CDK14: variants seen among roughly 807,000 people sequenced by gnomAD.
CDK14 encodes cyclin-dependent kinase 14.
In CDK14, 34 loss-of-function variants were observed where a neutral mutation model predicts 60.7. The observed-to-expected ratio is 0.56, with a 90% CI of 0.43 to 0.75. The LOEUF (loss-of-function observed/expected upper bound fraction) is 0.75. Among genes scored for constraint, CDK14 ranks in the 30% least tolerant of loss-of-function variants. The pLI is 0.00. For missense variants in CDK14, 482 were observed against 564.1 expected (o/e 0.85, Z 1.47); for synonymous variants, 197 against 203.7 (o/e 0.97, Z 0.28).
intron 13 of CDK14, among the ~76,000 whole-genome samples, chr7:91,115,237 G>C (rs1369852528): frequency 2.6e-5 from 4 of 152,074 alleles, no homozygotes; most frequent in Non-Finnish European, 5.9e-5. Flanking sequence ...CCTTAGACTG[G>C]GTGGCTTAAA....
At chr7:90,824,753 G>C (rs752421600) in intron 5 of CDK14, 1 of 152,140 alleles carries the variant, frequency 6.6e-6, no homozygotes, top group Non-Finnish European at 1.5e-5. Context: ...TTATGAAATT[G>C]TCAAGTGCAA....
intron 5 of CDK14, among the ~76,000 whole-genome samples, chr7:90,824,425 A>G (rs1789652234): frequency 6.6e-6 from 1 of 152,222 alleles, no homozygotes; most frequent in African/African-American, 2.4e-5. Flanking sequence ...TTTGTAGGGC[A>G]TAGTACCGAA....
Position 91,153,832 on chromosome 7 carries a change from A to G in CDK14, c.*28+35624A>G, listed in dbSNP as rs144767923. ...ATAATCTGTCCAACAAACTCCCATG[A>G]CACGAGCTTACCTATGTAACAAACC... On this transcript the variant is annotated intron_variant, in intron 14 of 14. Coordinates refer to ENST00000380050, the MANE Select transcript of CDK14 (RefSeq NM_001287135.2). Among the ~76,000 whole-genome samples, 998 of 152,296 alleles carry G rather than the reference A, an allele frequency of 6.6e-3. 15 individuals carry two copies. The highest frequency in any genetic ancestry group is 0.023 in the African/African-American group (949 of 41,576).
intron 10 of CDK14, among the ~76,000 whole-genome samples, chr7:91,016,132 A>G (rs1034743692): frequency 2.6e-5 from 4 of 152,184 alleles, no homozygotes; most frequent in African/African-American, 7.2e-5. Flanking sequence ...AGAGCTGCCC[A>G]CAAGAAAAGC....
At chr7:90,637,786 C>CT (rs372273673) in intron 2 of CDK14, among the ~76,000 whole-genome samples, 1 of 114,756 alleles carries the variant, frequency 8.7e-6, no homozygotes, top group Admixed American at 9.7e-5. Context: ...CTTTGTAGGT[C>CT]CTAAGGACTT....
chr7:90,989,962 A>G (rs1029368156), intron 10 of CDK14, among the ~76,000 whole-genome samples: 2 of 152,180 alleles, frequency 1.3e-5, no homozygotes, highest in African/African-American at 4.8e-5. Context: ...AGTGAAAATA[A>G]GAGGGAAAAG....
At chr7:90,970,656 G>A (rs1266955661) in intron 9 of CDK14, among the ~76,000 whole-genome samples, 1 of 152,168 alleles carries the variant, frequency 6.6e-6, no homozygotes, top group Admixed American at 6.5e-5. Context: ...ATTGTCTGAG[G>A]CCTTCTCAAA....
rs138986642 is a variant in CDK14 at position 90,650,496 on chromosome 7, C to T, written c.123+46247C>T. 2.2e-3 allele frequency among the ~76,000 whole-genome samples: 340 copies of T among 152,250 alleles called. 1 individual carries two copies. The highest frequency in any genetic ancestry group is 7.9e-3 in the African/African-American group (327 of 41,546). On this transcript the variant is annotated intron_variant, in intron 2 of 14. Transcript: ENST00000380050. ...CATTTGTCAATTTTGGCTTTTGTTG[C>T]CATTGCTTTGGTGTTTTAGTCATGA...
chr7:90,653,759 G>T (rs1180307754), intron 2 of CDK14, among the ~76,000 whole-genome samples: 1 of 152,126 alleles, frequency 6.6e-6, no homozygotes, highest in Non-Finnish European at 1.5e-5. Context: ...ATGTTGGTGT[G>T]CTGCACCCAT....
At chr7:91,004,350 T>C (rs180745126) in intron 10 of CDK14, among the ~76,000 whole-genome samples, 3 of 152,336 alleles carry the variant, frequency 2.0e-5, no homozygotes, top group East Asian at 1.9e-4. Flanking sequence ...TGAATAAATA[T>C]ATGCTAATAA....
chr7:90,638,242 T>C (rs989684114), intron 2 of CDK14, among the ~76,000 whole-genome samples: 4 of 152,250 alleles, frequency 2.6e-5, no homozygotes, highest in African/African-American at 9.6e-5. Context: ...TCTTTACATT[T>C]TGGCATGATT....
chr7:90,707,813 A>G (rs990021924), intron 2 of CDK14, among the ~76,000 whole-genome samples: 2 of 152,128 alleles, frequency 1.3e-5, no homozygotes, highest in African/African-American at 2.4e-5. Flanking sequence ...TGAGCCACCT[A>G]AGGAATATTA....
At chr7:90,709,543 T>C (rs778770466) in intron 2 of CDK14, 77 of 1,613,128 alleles carry the variant, frequency 4.8e-5, no homozygotes, top group Middle Eastern at 1.6e-4. Context: ...TGACAGCATA[T>C]GCACGGTTAC....
At chr7:90,964,537 A>G (rs1230497005) in intron 9 of CDK14, among the ~76,000 whole-genome samples, 1 of 152,172 alleles carries the variant, frequency 6.6e-6, no homozygotes, top group Non-Finnish European at 1.5e-5. Context: ...CAATAGAAAA[A>G]CAGTGATCTT....
At chr7:90,967,092 C>T (rs182971282) in intron 9 of CDK14, among the ~76,000 whole-genome samples, 138 of 136,518 alleles carry the variant, frequency 1.0e-3, no homozygotes, top group Non-Finnish European at 1.6e-3. Context: ...TAAGGTTGTC[C>T]AGAAGGAAGG....
At chr7:90,926,464 G>A (rs1177974827) in intron 8 of CDK14, among the ~76,000 whole-genome samples, 1 of 152,160 alleles carries the variant, frequency 6.6e-6, no homozygotes, top group Non-Finnish European at 1.5e-5. Flanking sequence ...GCATTGAGAA[G>A]CCTTATGGAC....
At chr7:91,093,677 A>G (rs1798897142) in intron 12 of CDK14, among the ~76,000 whole-genome samples, 1 of 152,202 alleles carries the variant, frequency 6.6e-6, no homozygotes, top group African/African-American at 2.4e-5. Flanking sequence ...TACTGTTTAT[A>G]TATCAAAAAA....
At chr7:90,750,911 A>G (rs1283652556) in intron 4 of CDK14, among the ~76,000 whole-genome samples, 3 of 152,138 alleles carry the variant, frequency 2.0e-5, no homozygotes, top group African/African-American at 7.2e-5. Flanking sequence ...AAACAGTTGA[A>G]AGCTTCAATA....
intron 7 of CDK14, among the ~76,000 whole-genome samples, chr7:90,911,324 A>G (rs1156533867): frequency 6.6e-6 from 1 of 152,240 alleles, no homozygotes; most frequent in Admixed American, 6.5e-5. Flanking sequence ...AAAGATATCT[A>G]AGACTTAACC....
Sources: allele counts gnomAD v4.1 joint callset (sites outside exome capture counted in the v4.1 genomes callset), GRCh38; gene constraint gnomAD v4.1.1; transcripts MANE v1.5; gene names NCBI Gene and HGNC (gene_info 2026-07-23, HGNC 2026-07-21).